ERCC8: variants seen among roughly 807,000 people sequenced by gnomAD.
ERCC8 encodes the protein ERCC excision repair 8, CSA ubiquitin ligase complex subunit.
A neutral mutation model predicts 54.9 loss-of-function variants in ERCC8; 52 were observed. The ratio of observed to expected loss-of-function variants is 0.95; its 90% CI spans 0.76 to 1.19. The LOEUF is 1.19. Among genes scored for constraint, ERCC8 ranks in the 50% most tolerant of loss-of-function variants. The probability of loss-of-function intolerance (pLI) is 0.00; values close to 1 mark genes in which losing one functional copy is unlikely to be tolerated. For synonymous variants in ERCC8, 146 were observed against 157.2 expected (o/e 0.93, Z 0.53); for missense variants, 514 against 466.1 (o/e 1.10, Z -0.95).
At chr5:60,875,445 C>A (rs972688862) in intron 11 of ERCC8, among the ~76,000 whole-genome samples, 9 of 152,138 alleles carry the variant, frequency 5.9e-5, no homozygotes, top group Non-Finnish European at 1.3e-4. Context: ...TTTTAATCAT[C>A]TGTGGTATTT....
intron 2 of ERCC8, among the ~76,000 whole-genome samples, chr5:60,923,886 T>C (rs1749671659): frequency 6.6e-6 from 1 of 152,160 alleles, no homozygotes; most frequent in Non-Finnish European, 1.5e-5. Context: ...CTCTTTCCTT[T>C]TCACCTCAAA....
At chr5:60,912,152 G>C (rs1325083679) in intron 4 of ERCC8, among the ~76,000 whole-genome samples, 3 of 152,078 alleles carry the variant, frequency 2.0e-5, no homozygotes, top group Non-Finnish European at 2.9e-5. Flanking sequence ...GCTTAATGGG[G>C]ATGGTATTCA....
intron 4 of ERCC8, among the ~76,000 whole-genome samples, chr5:60,909,260 A>AAAAAAAAAAAAAAAAC (rs1749177977): frequency 7.1e-6 from 1 of 141,034 alleles, no homozygotes; most frequent in Non-Finnish European, 1.5e-5. Flanking sequence ...AAAAAAAAAA[A>AAAAAAAAAAAAAAAAC]AAAAAAAAAA....
At chr5:60,903,111 TTTG>T (rs1214713488) in intron 6 of ERCC8, among the ~76,000 whole-genome samples, 4 of 151,948 alleles carry the variant, frequency 2.6e-5, no homozygotes, top group East Asian at 1.9e-4. Flanking sequence ...TCTTAACATA[TTTG>T]TTATGTGTTT....
At chr5:60,890,613 A>G (rs1371892113) in intron 10 of ERCC8, among the ~76,000 whole-genome samples, 2 of 152,232 alleles carry the variant, frequency 1.3e-5, no homozygotes, top group African/African-American at 4.8e-5. Flanking sequence ...AAATTATTTT[A>G]ATTCACCACA....
intron 9 of ERCC8, chr5:60,893,071 G>A: frequency 3.9e-6 from 3 of 777,942 alleles, no homozygotes; most frequent in Non-Finnish European, 7.1e-6. Flanking sequence ...TTGGGGTCCA[G>A]GTCAATCTTT....
At chr5:60,881,821 GC>G (rs1408108608) in intron 11 of ERCC8, among the ~76,000 whole-genome samples, 1 of 152,174 alleles carries the variant, frequency 6.6e-6, no homozygotes, top group East Asian at 1.9e-4. Flanking sequence ...GTGAGGCGAT[GC>G]CTCACCCTGC....
At chr5:60,916,861 T>C (rs1426970622) in intron 4 of ERCC8, among the ~76,000 whole-genome samples, 1 of 152,038 alleles carries the variant, frequency 6.6e-6, no homozygotes, top group Non-Finnish European at 1.5e-5. Context: ...CAGCAGTTAC[T>C]GTACATAGCA....
intron 2 of ERCC8, among the ~76,000 whole-genome samples, chr5:60,922,724 T>A (rs1749636056): frequency 1.3e-5 from 2 of 152,110 alleles, no homozygotes. Context: ...TTCACTCAAT[T>A]CATTCAACTT....
intron 4 of ERCC8, 96 bp downstream of exon 4, chr5:60,918,167 CAT>C: frequency 3.1e-6 from 3 of 955,902 alleles, no homozygotes; most frequent in East Asian, 2.4e-5. Flanking sequence ...TCACATCTAA[CAT>C]ATATGACATC....
intron 10 of ERCC8, among the ~76,000 whole-genome samples, chr5:60,888,078 T>C (rs1748448268): frequency 6.6e-6 from 1 of 152,208 alleles, no homozygotes; most frequent in African/African-American, 2.4e-5. Flanking sequence ...TGCTGTTTGC[T>C]TATGGCTGAA....
At chr5:60,914,415 C>CA (rs1295146463) in intron 4 of ERCC8, among the ~76,000 whole-genome samples, 5 of 150,754 alleles carry the variant, frequency 3.3e-5, no homozygotes, top group Middle Eastern at 6.8e-3. Flanking sequence ...GCAACCCCTG[C>CA]TTTTTTTTTG....
intron 10 of ERCC8, among the ~76,000 whole-genome samples, chr5:60,888,745 C>T (rs898489496): frequency 6.6e-6 from 1 of 152,202 alleles, no homozygotes; most frequent in African/African-American, 2.4e-5. Flanking sequence ...CCCCTTGAAT[C>T]ATATGAGAGT....
chr5:60,912,814 T>A (rs1261606163), intron 4 of ERCC8, among the ~76,000 whole-genome samples: 1 of 152,144 alleles, frequency 6.6e-6, no homozygotes, highest in Non-Finnish European at 1.5e-5. Flanking sequence ...GCTGTTGCAT[T>A]TTGTCAAAGG....
intron 9 of ERCC8, chr5:60,893,206 C>G: frequency 1.0e-6 from 1 of 971,354 alleles, no homozygotes; most frequent in Non-Finnish European, 1.7e-6. Context: ...TCAGAGTATT[C>G]TACCACCTCA....
chr5:60,878,858 C>T (rs1030853572), intron 11 of ERCC8, among the ~76,000 whole-genome samples: 3 of 152,100 alleles, frequency 2.0e-5, no homozygotes, highest in Non-Finnish European at 2.9e-5. Flanking sequence ...TTTTTTGTGT[C>T]TCTATTTCCT....
chr5:60,940,202 T>G (rs777679754), intron 1 of ERCC8, among the ~76,000 whole-genome samples: 1 of 152,150 alleles, frequency 6.6e-6, no homozygotes, highest in African/African-American at 2.4e-5. Context: ...AATACTACTA[T>G]AAAAACTAAA....
Position 60,898,306 on chromosome 5 carries a change from G to C in ERCC8, c.813C>G (p.Leu271=), listed in dbSNP as rs1255119453. Residue 271 remains leucine (L), a synonymous_variant, in exon 9 of 12, where the codon CTC becomes CTG. Transcript: ENST00000676185. ...LTVGTDNRMR[L]WNSSNGENTL... Reference sequence around the variant, plus strand: ...TGTTTTCTCCATTGGAACTATTCCAGAGCCTCATTCGATTATCTGTACCAA... The same window carrying C: ...TGTTTTCTCCATTGGAACTATTCCACAGCCTCATTCGATTATCTGTACCAA... The C allele has an allele frequency of 1.2e-6, 2 of 1,613,446 alleles. No homozygotes were observed. Among genetic ancestry groups the C allele is most frequent in the Non-Finnish European group, 1.7e-6 (2 of 1,179,678 alleles).
chr5:60,918,421 G>A (rs1424141638), intron 3 of ERCC8, 33 bp from the exon 4 acceptor site: 1 of 1,591,178 alleles, frequency 6.3e-7, no homozygotes, highest in Non-Finnish European at 8.6e-7. Flanking sequence ...TACATTAACT[G>A]ACTTATGTGA....
Sources: allele counts gnomAD v4.1 joint callset (sites outside exome capture counted in the v4.1 genomes callset), GRCh38; gene constraint gnomAD v4.1.1; transcripts MANE v1.5; gene names NCBI Gene and HGNC (gene_info 2026-07-23, HGNC 2026-07-21).